Variants in TENM2 observed in about 807,000 individuals in gnomAD.
TENM2 encodes teneurin-2.
TENM2 carries 52 observed loss-of-function variants against 245.2 expected under a neutral mutation model. The ratio of observed to expected loss-of-function variants is 0.21; its 90% CI spans 0.17 to 0.27. TENM2 has a LOEUF of 0.27. Among genes scored for constraint, TENM2 ranks in the 10% least tolerant of loss-of-function variants. TENM2 has a pLI of 1.00. For missense variants in TENM2, 3,046 were observed against 3,666.8 expected, an observed-to-expected ratio of 0.83 and a Z score of 4.37; for synonymous variants, 1,363 against 1,438.9, an observed-to-expected ratio of 0.95 and a Z score of 1.19.
At chr5:167,552,472 G>A (rs187744833) in intron 2 of TENM2, among the ~76,000 whole-genome samples, 2 of 152,196 alleles carry the variant, frequency 1.3e-5, no homozygotes, top group African/African-American at 4.8e-5. Flanking sequence ...ATTTAGTCAA[G>A]GCTGAATGCC....
chr5:167,528,416 CT>C (rs1320802118), intron 2 of TENM2, among the ~76,000 whole-genome samples: 1 of 152,102 alleles, frequency 6.6e-6, no homozygotes, highest in Non-Finnish European at 1.5e-5. Context: ...AATCCCAGCT[CT>C]TTGCCTTACT....
In TENM2 at chr5:168,055,593, A is replaced by G. The variant is rs186469338; in HGVS notation, c.1310-6467A>G. Among the ~76,000 whole-genome samples the G allele has an allele frequency of 3.8e-3, 583 of 152,282 alleles. 5 individuals are homozygous for G. The highest frequency in any genetic ancestry group is 0.017 in the Middle Eastern group (5 of 294). On this transcript the variant is annotated intron_variant, in intron 6 of 28. Transcript: ENST00000518659. The stretch of plus-strand genomic sequence containing the variant: ...CTGGAAAATGACTGCCAGTTTTATT[A>G]AGGGCTACTCCACCCATTGGCCCTC...
intron 1 of TENM2, among the ~76,000 whole-genome samples, chr5:167,366,159 A>T (rs1438418324): frequency 1.3e-5 from 2 of 152,074 alleles, no homozygotes; most frequent in Non-Finnish European, 2.9e-5. Flanking sequence ...GGCACAAATA[A>T]ATATTATGAG....
At chr5:167,860,811 A>G (rs1414177685) in intron 2 of TENM2, among the ~76,000 whole-genome samples, 1 of 88,574 alleles carries the variant, frequency 1.1e-5, no homozygotes. Flanking sequence ...GGGCGGTGCA[A>G]GATGTGCTTT....
chr5:167,715,259 G>A (rs74836303), intron 2 of TENM2, among the ~76,000 whole-genome samples: 128 of 152,314 alleles, frequency 8.4e-4, no homozygotes, highest in African/African-American at 2.8e-3. Flanking sequence ...TAAATTATGT[G>A]TTAGGAGAAA....
chr5:168,099,585 G>C (rs536735698), intron 9 of TENM2, among the ~76,000 whole-genome samples: 146 of 152,230 alleles, frequency 9.6e-4, no homozygotes, highest in Admixed American at 1.8e-3. Flanking sequence ...TTATTTTCAT[G>C]TGTGCTTTAT....
chr5:168,060,951 A>G (rs1169354840), intron 6 of TENM2, among the ~76,000 whole-genome samples: 1 of 152,188 alleles, frequency 6.6e-6, no homozygotes, highest in Non-Finnish European at 1.5e-5. Context: ...AAATATTTTT[A>G]GAAGAGTTAG....
chr5:167,085,231 A>G, the TENM2 span, among the ~76,000 whole-genome samples: 1 of 152,182 alleles, frequency 6.6e-6, no homozygotes. Context: ...AGGAGTTTTT[A>G]AAGCAAAGAT....
At position 167,784,862 on chromosome 5, in the gene TENM2, G is replaced by A. The variant is rs1764458023; in HGVS notation, c.503-91124G>A. Among the ~76,000 whole-genome samples the A allele has an allele frequency of 2.0e-5, 3 of 152,104 alleles. No homozygotes were observed. In the South Asian group the frequency reaches 6.2e-4, roughly 32 times the overall value. ...TGTGTTATTTGGGTTTCAATTTAAGGTAGAGAATCAAAAATACCAGTGACA... is the reference window on the plus strand; with the variant it reads ...TGTGTTATTTGGGTTTCAATTTAAGATAGAGAATCAAAAATACCAGTGACA... On this transcript the variant is annotated intron_variant, in intron 2 of 28. Coordinates refer to ENST00000518659, the Ensembl canonical transcript of TENM2.
At chr5:167,625,459 T>C (rs1778442024) in intron 2 of TENM2, among the ~76,000 whole-genome samples, 1 of 152,212 alleles carries the variant, frequency 6.6e-6, no homozygotes, top group Non-Finnish European at 1.5e-5. Context: ...TCAAGATTTT[T>C]AGGGACTTTA....
intron 2 of TENM2, among the ~76,000 whole-genome samples, chr5:167,726,505 C>T (rs937186142): frequency 1.3e-5 from 2 of 152,118 alleles, no homozygotes; most frequent in African/African-American, 4.8e-5. Flanking sequence ...TGTGGCCAGG[C>T]TAGAGTGCAG....
intron 13 of TENM2, among the ~76,000 whole-genome samples, chr5:168,184,257 T>C (rs59683641): frequency 0.031 from 4,687 of 152,282 alleles, 239 homozygotes; most frequent in African/African-American, 0.11. Context: ...TGGTGGTTCC[T>C]CTGTGAAACC....
At chr5:167,349,333 G>A (rs964786869) in intron 1 of TENM2, among the ~76,000 whole-genome samples, 1 of 152,086 alleles carries the variant, frequency 6.6e-6, no homozygotes, top group Non-Finnish European at 1.5e-5. Context: ...TTTTATAAAT[G>A]CAAAAACTGG....
chr5:167,413,826 T>A (rs2127409580), intron 2 of TENM2, among the ~76,000 whole-genome samples: 1 of 152,292 alleles, frequency 6.6e-6, no homozygotes. Context: ...TTGATCTCTG[T>A]AGCGGATGAC....
chr5:167,398,249 A>G (rs1211124642), intron 2 of TENM2, among the ~76,000 whole-genome samples: 2 of 152,212 alleles, frequency 1.3e-5, no homozygotes, highest in African/African-American at 2.4e-5. Context: ...TATCAGCTCC[A>G]TGACATTGGC....
chr5:167,605,571 G>T (rs1202079915), intron 2 of TENM2, among the ~76,000 whole-genome samples: 1 of 152,206 alleles, frequency 6.6e-6, no homozygotes, highest in Non-Finnish European at 1.5e-5. Flanking sequence ...CAAACTGGAG[G>T]AGTATGTGTT....
intron 2 of TENM2, among the ~76,000 whole-genome samples, chr5:167,380,072 GATT>G (rs1033266432): frequency 2.6e-5 from 4 of 151,934 alleles, no homozygotes; most frequent in African/African-American, 9.7e-5. Context: ...AGTTATCATG[GATT>G]TAAAAAAACG....
chr5:167,264,179 A>T, the TENM2 span, among the ~76,000 whole-genome samples: 1 of 151,332 alleles, frequency 6.6e-6, no homozygotes. Flanking sequence ...GCAGTGGTTG[A>T]CTTTACTAAG....
At chr5:167,213,122 G>A in the TENM2 span, among the ~76,000 whole-genome samples, 1 of 152,122 alleles carries the variant, frequency 6.6e-6, no homozygotes, top group Non-Finnish European at 1.5e-5. Context: ...CTGGTGTTTC[G>A]TATCGTGGAA....
Sources: allele counts gnomAD v4.1 joint callset (sites outside exome capture counted in the v4.1 genomes callset), GRCh38; gene constraint gnomAD v4.1.1; transcripts MANE v1.5; gene names NCBI Gene and HGNC (gene_info 2026-07-23, HGNC 2026-07-21).